MTREX: variants seen among roughly 807,000 people sequenced by gnomAD.
The protein encoded by MTREX is Mtr4 exosome RNA helicase.
Under a neutral mutation model 135.4 loss-of-function variants are expected in MTREX, and 76 were observed. The observed-to-expected ratio is 0.56, with a 90% CI of 0.47 to 0.68. The LOEUF (loss-of-function observed/expected upper bound fraction) is 0.68. MTREX is among the 30% of genes least tolerant of loss of function. The pLI is 0.00. For missense variants in MTREX, 920 were observed against 1,262.1 expected (o/e 0.73, Z 4.11); for synonymous variants, 404 against 401.6 (o/e 1.01, Z -0.07).
At chr5:55,407,777 G>T (rs1750829353) in intron 22 of MTREX, among the ~76,000 whole-genome samples, 1 of 152,038 alleles carries the variant, frequency 6.6e-6, no homozygotes. Context: ...TTCTTGAGAT[G>T]GGATTTTGCT....
chr5:55,358,937 A>T (rs192706618), intron 15 of MTREX, among the ~76,000 whole-genome samples: 528 of 151,652 alleles, frequency 3.5e-3, no homozygotes, highest in Admixed American at 7.8e-3. Context: ...ATCTCCAGAG[A>T]GGGCAGAAAT....
intron 22 of MTREX, among the ~76,000 whole-genome samples, chr5:55,407,757 T>C (rs531888265): frequency 6.6e-6 from 1 of 152,046 alleles, no homozygotes; most frequent in African/African-American, 2.4e-5. Context: ...GGTATGTCGT[T>C]CCTCTTTCCT....
chr5:55,329,928 A>G (rs980308748), intron 5 of MTREX, among the ~76,000 whole-genome samples: 2 of 151,932 alleles, frequency 1.3e-5, no homozygotes, highest in Non-Finnish European at 2.9e-5. Flanking sequence ...TGGGCCGCTT[A>G]AAGTTGTCTC....
rs1030802092 is a variant in MTREX, at chr5:55,358,707, A to G, written c.1659+9A>G. On this transcript the variant is annotated intron_variant, in intron 15 of 26. Transcript: ENST00000230640. ...GAAAACAATTACTTAAGGTAACTACATTAAGATTGTGTACCTTTACCAAGA... is the reference window on the plus strand; with the variant it reads ...GAAAACAATTACTTAAGGTAACTACGTTAAGATTGTGTACCTTTACCAAGA... The G allele has an allele frequency of 8.2e-6, 13 of 1,580,636 alleles. No homozygotes were observed. In the Admixed American group the frequency reaches 1.2e-4, roughly 15 times the overall value.
At chr5:55,328,070 T>C (rs1042303698) in intron 4 of MTREX, among the ~76,000 whole-genome samples, 2 of 152,226 alleles carry the variant, frequency 1.3e-5, no homozygotes, top group Non-Finnish European at 2.9e-5. Context: ...TACTAGTTTT[T>C]GCCTATAGTT....
intron 14 of MTREX, among the ~76,000 whole-genome samples, chr5:55,355,757 C>T (rs192451831): frequency 2.0e-5 from 3 of 152,288 alleles, no homozygotes; most frequent in East Asian, 1.9e-4. Flanking sequence ...CCAGGGGCTA[C>T]GAGTCCAGTC....
chr5:55,340,032 A>G lies in MTREX; in HGVS notation c.538A>G (p.Arg180Gly). The G allele has an allele frequency of 1.9e-6, 3 of 1,559,574 alleles. No homozygotes were observed. The highest frequency in any genetic ancestry group is 2.6e-6 in the Non-Finnish European group (3 of 1,154,056). The change falls in exon 6 of 27, where the codon AGG becomes GGG. Residue 180 changes from arginine (R) to glycine (G), a missense_variant. Arg to Gly is a moderately radical substitution (Grantham distance 125, BLOSUM62 -2). Transcript: ENST00000230640. ...TAGGTATGCCATTGCATTGGCCTTA[A>G]GGGAAAAGCAGCGTGTAATATTTAC... The part of the protein sequence containing the change: ...CAEYAIALAL[R>G]EKQRVIFTSP...
intron 1 of MTREX, among the ~76,000 whole-genome samples, chr5:55,320,448 A>C (rs62359228): frequency 0.14 from 20,729 of 152,006 alleles, 1,738 homozygotes; most frequent in East Asian, 0.26. Flanking sequence ...CAATCTCCTG[A>C]CCTCGTGATC....
At chr5:55,405,983 T>A (rs910924177) in intron 22 of MTREX, among the ~76,000 whole-genome samples, 2 of 152,198 alleles carry the variant, frequency 1.3e-5, no homozygotes, top group African/African-American at 4.8e-5. Flanking sequence ...TGTATACTTT[T>A]TAAAAATTAT....
In MTREX at chr5:55,369,891, T is replaced by G. The variant is rs1181191129; in HGVS notation, c.1810+3016T>G. 2.0e-5 allele frequency among the ~76,000 whole-genome samples: 3 copies of G among 151,506 alleles called. No individual in the cohort carries two copies. The East Asian group carries it at 5.8e-4, about 29-fold the overall frequency. ...TTTGTAATCTAGCCGCTCTTCTAAT[T>G]CATCCCTTTTTCTTTTCTTTTTTCT... On this transcript the variant is annotated intron_variant, in intron 16 of 26. Transcript: ENST00000230640.
chr5:55,408,533 G>C (rs1231990583), intron 22 of MTREX, among the ~76,000 whole-genome samples: 1 of 152,096 alleles, frequency 6.6e-6, no homozygotes, highest in Non-Finnish European at 1.5e-5. Flanking sequence ...TATTTTAACT[G>C]TTAGTAAAGA....
At position 55,424,769 on chromosome 5, in the gene MTREX, G is replaced by A. The variant is rs760628769; in HGVS notation, c.3126G>A (p.Leu1042=). The A allele has an allele frequency of 6.2e-7, 1 of 1,609,028 alleles. No individual in the cohort carries two copies. The highest frequency in any genetic ancestry group is 8.5e-7 in the Non-Finnish European group (1 of 1,175,488). Residue 1042 remains leucine, a synonymous_variant, in exon 27 of 27, where the codon TTG becomes TTA. Transcript: ENST00000230640. ...RDIVFAASLY[L] ...TTGTGTTTGCTGCCAGCCTCTACTTGTAGAGTCAGCTAAAGGAATGTGAGA... is the reference window on the plus strand; with the variant it reads ...TTGTGTTTGCTGCCAGCCTCTACTTATAGAGTCAGCTAAAGGAATGTGAGA...
At chr5:55,376,732 T>C (rs1326647051) in intron 16 of MTREX, among the ~76,000 whole-genome samples, 2 of 152,208 alleles carry the variant, frequency 1.3e-5, no homozygotes, top group Non-Finnish European at 1.5e-5. Context: ...CTGATGTCCC[T>C]TCCATAGATT....
chr5:55,343,560 A>T (rs1749685528), intron 8 of MTREX, 105 bp downstream of exon 8: 2 of 986,228 alleles, frequency 2.0e-6, no homozygotes, highest in Non-Finnish European at 3.0e-6. Context: ...AGAATAATAA[A>T]AAAAACATTT....
rs1751135008 is a variant in MTREX, at chr5:55,425,054, T to C, written c.*282T>C. ...AGATAACCACTGAGTTAAAGGTAACTATGTACACACAAAGTGTGCATCCAA... is the reference window on the plus strand; with the variant it reads ...AGATAACCACTGAGTTAAAGGTAACCATGTACACACAAAGTGTGCATCCAA... On this transcript the variant is annotated 3_prime_UTR_variant, in exon 27 of 27. Transcript: ENST00000230640. 2 of 1,056,468 alleles carry C rather than the reference T, an allele frequency of 1.9e-6. No homozygotes were observed. Among genetic ancestry groups the C allele is most frequent in the East Asian group, 4.8e-5 (2 of 41,956 alleles). 65.4% of individuals were successfully genotyped at this position (1,056,468 alleles called of 1,614,324 possible). A position where few individuals can be genotyped will look rare whatever the true frequency, so the allele number is the denominator to read the frequency against.
chr5:55,416,913 C>G (rs73124206), intron 25 of MTREX, among the ~76,000 whole-genome samples: 1,600 of 152,238 alleles, frequency 0.011, 18 homozygotes, highest in African/African-American at 0.037. Flanking sequence ...ACATGTTTAA[C>G]ATGCCAAATA....
At chr5:55,382,816 T>A (rs912339575) in intron 18 of MTREX, among the ~76,000 whole-genome samples, 2 of 152,154 alleles carry the variant, frequency 1.3e-5, no homozygotes, top group African/African-American at 4.8e-5. Flanking sequence ...GTATTTTTAG[T>A]AGAGACAGTG....
chr5:55,336,060 A>G lies in MTREX; in HGVS notation c.516-3950A>G, dbSNP rs116009455. Among the ~76,000 whole-genome samples the G allele has an allele frequency of 4.5e-3, 692 of 152,250 alleles. 3 individuals carry two copies. Among genetic ancestry groups the G allele is most frequent in the African/African-American group, 0.016 (658 of 41,566 alleles). ...CATATTTGGATTGCTAATAGCTTGT[A>G]TATTGAAATACAGTTGATTTTTATA... On this transcript the variant is annotated intron_variant, in intron 5 of 26. Coordinates refer to ENST00000230640, the MANE Select transcript of MTREX (RefSeq NM_015360.5).
chr5:55,424,979 C>A lies in MTREX; in HGVS notation c.*207C>A. 1.5e-6 allele frequency: 1 copy of A among 650,790 alleles called. No homozygotes were observed. The highest frequency in any genetic ancestry group is 2.6e-6 in the Non-Finnish European group (1 of 390,696). The allele number at this position is 650,790 out of a possible 1,614,324, so 40.3% of individuals were successfully genotyped here. A position where few individuals can be genotyped will look rare whatever the true frequency, so the allele number is the denominator to read the frequency against. On this transcript the variant is annotated 3_prime_UTR_variant, in exon 27 of 27. Coordinates refer to ENST00000230640, the MANE Select transcript of MTREX (RefSeq NM_015360.5). ...TTAATAAAAATGTATACAGGTGGGGCACTGTTTTGGTGGAAGGCTTGGAGT... is the reference window on the plus strand; with the variant it reads ...TTAATAAAAATGTATACAGGTGGGGAACTGTTTTGGTGGAAGGCTTGGAGT...
Sources: allele counts gnomAD v4.1 joint callset (sites outside exome capture counted in the v4.1 genomes callset), GRCh38; gene constraint gnomAD v4.1.1; transcripts MANE v1.5; gene names NCBI Gene and HGNC (gene_info 2026-07-23, HGNC 2026-07-21).